CACNA1E: variants seen among roughly 807,000 people sequenced by gnomAD.
The protein encoded by CACNA1E is calcium voltage-gated channel subunit alpha1 E.
In CACNA1E, 40 loss-of-function variants were observed where a neutral mutation model predicts 259.2. That is an observed-to-expected ratio of 0.15 (90% CI 0.12 to 0.20). CACNA1E has a LOEUF of 0.20. Among genes scored for constraint, CACNA1E ranks in the 10% least tolerant of loss-of-function variants. The pLI is 1.00. For synonymous variants in CACNA1E, 1,104 were observed against 1,138.5 expected, an observed-to-expected ratio of 0.97 and a Z score of 0.61; for missense variants, 1,874 against 3,040.1, an observed-to-expected ratio of 0.62 and a Z score of 9.02.
At chr1:181,650,272 T>A (rs535075792) in intron 6 of CACNA1E, among the ~76,000 whole-genome samples, 1 of 152,260 alleles carries the variant, frequency 6.6e-6, no homozygotes, top group African/African-American at 2.4e-5. Flanking sequence ...AGTTCTGGTC[T>A]TAATTTTACT....
Position 181,755,254 on chromosome 1 carries a change from A to T in CACNA1E, c.3846A>T (p.Val1282=). ...LPKLKAVFDC[V]VTSLKNVFNI... is the part of the protein sequence containing the mutation. ...GTCCACAGGCCGTCTTCGACTGCGT[A>T]GTGACCTCCTTGAAGAATGTCTTCA... Residue 1282 remains valine (V), a synonymous_variant, in exon 28 of 48, where the codon GTA becomes GTT. Coordinates refer to ENST00000367573, the MANE Select transcript of CACNA1E (RefSeq NM_001205293.3). 6.2e-7 allele frequency: 1 copy of T among 1,613,874 alleles called. No individual in the cohort carries two copies. The highest frequency in any genetic ancestry group is 8.5e-7 in the Non-Finnish European group (1 of 1,179,784).
At chr1:181,596,512 T>C (rs903992417) in intron 6 of CACNA1E, among the ~76,000 whole-genome samples, 2 of 149,724 alleles carry the variant, frequency 1.3e-5, no homozygotes, top group Non-Finnish European at 3.0e-5. Flanking sequence ...AAATGAGGTT[T>C]CAGGGAGTCT....
intron 6 of CACNA1E, among the ~76,000 whole-genome samples, chr1:181,592,243 CT>C (rs1652725144): frequency 6.6e-6 from 1 of 152,172 alleles, no homozygotes; most frequent in Non-Finnish European, 1.5e-5. Context: ...ATTAAATGTT[CT>C]GTCTCCTGGC....
chr1:181,506,752 CT>C (rs1665742024), intron 1 of CACNA1E, among the ~76,000 whole-genome samples: 1 of 152,172 alleles, frequency 6.6e-6, no homozygotes, highest in Non-Finnish European at 1.5e-5. Flanking sequence ...GTAAATGCCT[CT>C]TTTTTGTGCT....
At chr1:181,503,215 A>T (rs1251453685) in intron 1 of CACNA1E, among the ~76,000 whole-genome samples, 2 of 152,230 alleles carry the variant, frequency 1.3e-5, no homozygotes, top group Non-Finnish European at 2.9e-5. Flanking sequence ...TCCAGGACAG[A>T]TGTATCTTTC....
intron 26 of CACNA1E, among the ~76,000 whole-genome samples, chr1:181,751,461 C>G (rs534254308): frequency 3.9e-5 from 6 of 152,280 alleles, no homozygotes; most frequent in African/African-American, 1.2e-4. Flanking sequence ...GAACAGCCAG[C>G]CACACAGAGG....
At chr1:181,646,307 C>T (rs1236900110) in intron 6 of CACNA1E, among the ~76,000 whole-genome samples, 1 of 152,170 alleles carries the variant, frequency 6.6e-6, no homozygotes, top group Non-Finnish European at 1.5e-5. Flanking sequence ...GGGTAGAGGC[C>T]AGGAATGCTG....
At chr1:181,535,750 C>T (rs1558098938) in intron 3 of CACNA1E, among the ~76,000 whole-genome samples, 1 of 150,790 alleles carries the variant, frequency 6.6e-6, no homozygotes, top group Admixed American at 6.6e-5. Flanking sequence ...TGCAACAGTG[C>T]AATCTCAGTT....
At chr1:181,609,615 G>A (rs1654557486) in intron 6 of CACNA1E, among the ~76,000 whole-genome samples, 1 of 152,166 alleles carries the variant, frequency 6.6e-6, no homozygotes, top group Non-Finnish European at 1.5e-5. Context: ...TGAGGGCTTT[G>A]CTTGGCTATT....
intron 1 of CACNA1E, among the ~76,000 whole-genome samples, chr1:181,331,667 C>T (rs1651274587): frequency 6.6e-6 from 1 of 152,208 alleles, no homozygotes; most frequent in South Asian, 2.1e-4. Context: ...TCTAGGTATT[C>T]CTTAATCCAG....
chr1:181,355,106 G>A (rs564474057), intron 1 of CACNA1E, among the ~76,000 whole-genome samples: 277 of 152,270 alleles, frequency 1.8e-3, no homozygotes, highest in Middle Eastern at 3.4e-3. Context: ...AGAGCCCAGT[G>A]GGCTGCCTAA....
intron 1 of CACNA1E, among the ~76,000 whole-genome samples, chr1:181,345,252 T>C (rs149336166): frequency 3.5e-4 from 53 of 152,372 alleles, no homozygotes; most frequent in African/African-American, 1.3e-3. Flanking sequence ...GCTGATTGCA[T>C]TGGAGTGCTG....
intron 25 of CACNA1E, among the ~76,000 whole-genome samples, chr1:181,740,303 A>G (rs1388634879): frequency 6.6e-6 from 1 of 152,128 alleles, no homozygotes; most frequent in Non-Finnish European, 1.5e-5. Context: ...TACCCTTCTG[A>G]GTGGTTTTCC....
rs982433760 is a variant in CACNA1E at position 181,805,106 on chromosome 1, G to A, written c.*6272G>A. ...AATCTTTTCTCTTTTTGTCCTACAA[G>A]TTTGTCAGAGATGAGAATGGATTGC... On this transcript the variant is annotated 3_prime_UTR_variant, in exon 48 of 48. Transcript: ENST00000367573. 5.3e-5 allele frequency: 8 copies of A among 152,058 alleles called. No homozygotes were observed. The highest frequency in any genetic ancestry group is 1.3e-4 in the Admixed American group (2 of 15,264). 9.4% of individuals were successfully genotyped at this position (152,058 alleles called of 1,614,324 possible).
At chr1:181,683,900 T>G (rs1040596904) in intron 7 of CACNA1E, among the ~76,000 whole-genome samples, 6 of 152,194 alleles carry the variant, frequency 3.9e-5, no homozygotes, top group Non-Finnish European at 7.4e-5. Context: ...AATGAACATA[T>G]GTATGCCTGT....
At chr1:181,450,248 C>G (rs911991582) in intron 2 of CACNA1E, among the ~76,000 whole-genome samples, 3 of 152,176 alleles carry the variant, frequency 2.0e-5, no homozygotes, top group Non-Finnish European at 4.4e-5. Flanking sequence ...GGTGCCCTCC[C>G]CCAACATTGG....
chr1:181,590,590 A>G (rs1269844104), intron 6 of CACNA1E, among the ~76,000 whole-genome samples: 1 of 152,054 alleles, frequency 6.6e-6, no homozygotes, highest in Non-Finnish European at 1.5e-5. Context: ...TTGTCCCCTC[A>G]GCTTCTCCTA....
At chr1:181,324,953 TG>T (rs997895315) in intron 1 of CACNA1E, among the ~76,000 whole-genome samples, 1 of 152,186 alleles carries the variant, frequency 6.6e-6, no homozygotes, top group African/African-American at 2.4e-5. Flanking sequence ...GGAGGGTGGC[TG>T]TTCTTCCCAT....
At chr1:181,351,524 C>A (rs560652511) in intron 1 of CACNA1E, among the ~76,000 whole-genome samples, 1 of 152,346 alleles carries the variant, frequency 6.6e-6, no homozygotes, top group African/African-American at 2.4e-5. Flanking sequence ...CTGACAGCAA[C>A]AGAAATTTGT....
Sources: allele counts gnomAD v4.1 joint callset (sites outside exome capture counted in the v4.1 genomes callset), GRCh38; gene constraint gnomAD v4.1.1; transcripts MANE v1.5; gene names NCBI Gene and HGNC (gene_info 2026-07-23, HGNC 2026-07-21).